Variants in HS3ST4 observed in about 807,000 individuals in gnomAD.
HS3ST4 encodes heparan sulfate glucosamine 3-O-sulfotransferase 4.
In HS3ST4, 17 loss-of-function variants were observed where a neutral mutation model predicts 29.2. That is an observed-to-expected ratio of 0.58 (90% CI 0.40 to 0.87). The LOEUF is 0.87. Ranked by LOEUF, HS3ST4 falls within the 40% of genes least tolerant of loss-of-function variation. The pLI is 0.00. For missense variants in HS3ST4, 627 were observed against 634.5 expected (o/e 0.99, Z 0.13); for synonymous variants, 314 against 285.7 (o/e 1.10, Z -1.00).
intron 1 of HS3ST4, among the ~76,000 whole-genome samples, chr16:25,724,112 C>CAAAAAAAAA (rs56115380): frequency 1.3e-5 from 1 of 77,244 alleles, no homozygotes; most frequent in African/African-American, 4.9e-5. Context: ...GACTCCATCT[C>CAAAAAAAAA]AAAAAAAAAA....
At position 25,850,117 on chromosome 16, in the gene HS3ST4, A is replaced by G. The variant is rs561923895; in HGVS notation, c.734+156966A>G. ...CTGGTTCAGGCAATTCTCCTGCCTCAGTCTCTCGAGTAGCTGGGATTACAG... is the reference window on the plus strand; with the variant it reads ...CTGGTTCAGGCAATTCTCCTGCCTCGGTCTCTCGAGTAGCTGGGATTACAG... On this transcript the variant is annotated intron_variant, in intron 1 of 1. Transcript: ENST00000331351. 4.0e-5 allele frequency among the ~76,000 whole-genome samples: 6 copies of G among 150,910 alleles called. No homozygotes were observed. In the East Asian group the frequency reaches 9.8e-4, roughly 25 times the overall value.
At chr16:25,779,919 C>T (rs1192262143) in intron 1 of HS3ST4, among the ~76,000 whole-genome samples, 1 of 152,224 alleles carries the variant, frequency 6.6e-6, no homozygotes, top group Non-Finnish European at 1.5e-5. Context: ...GGATTTATGG[C>T]ACTGGCATTG....
chr16:25,777,197 G>A (rs969805656), intron 1 of HS3ST4, among the ~76,000 whole-genome samples: 5 of 152,148 alleles, frequency 3.3e-5, no homozygotes, highest in Middle Eastern at 3.2e-3. Flanking sequence ...TGTTGGAATC[G>A]ATACCACCTT....
intron 1 of HS3ST4, among the ~76,000 whole-genome samples, chr16:25,837,472 G>A (rs1054703863): frequency 3.3e-5 from 5 of 152,178 alleles, no homozygotes; most frequent in African/African-American, 4.8e-5. Flanking sequence ...TAGGGCATGG[G>A]GAGAGAGCAG....
At chr16:25,980,445 C>T (rs1184652142) in intron 1 of HS3ST4, among the ~76,000 whole-genome samples, 2 of 152,152 alleles carry the variant, frequency 1.3e-5, no homozygotes, top group Non-Finnish European at 2.9e-5. Context: ...GATCTCTTGA[C>T]ACCCTGTACT....
Position 26,114,965 on chromosome 16 carries a change from A to C in HS3ST4, c.735-20647A>C, listed in dbSNP as rs1480150692. ...CTTATTTGTCATAATGGAAAATCGG[A>C]AACTAAAGGACTCTCTCTAGGAGAA... On this transcript the variant is annotated intron_variant, in intron 1 of 1. Coordinates refer to ENST00000331351, the MANE Select transcript of HS3ST4 (RefSeq NM_006040.3). 1.8e-4 allele frequency among the ~76,000 whole-genome samples: 27 copies of C among 152,170 alleles called. 1 individual carries two copies. The highest frequency in any genetic ancestry group is 1.8e-3 in the Admixed American group (27 of 15,284).
intron 1 of HS3ST4, among the ~76,000 whole-genome samples, chr16:25,971,970 C>A (rs2141706899): frequency 6.6e-6 from 1 of 152,162 alleles, no homozygotes; most frequent in South Asian, 2.1e-4. Context: ...AGATTCTGGA[C>A]CTGGACTGCT....
chr16:26,007,889 C>G (rs1469294280), intron 1 of HS3ST4, among the ~76,000 whole-genome samples: 2 of 151,900 alleles, frequency 1.3e-5, no homozygotes, highest in Non-Finnish European at 2.9e-5. Flanking sequence ...ACTTCTGGGG[C>G]CCAAGGCAGT....
intron 1 of HS3ST4, among the ~76,000 whole-genome samples, chr16:25,751,024 G>A (rs898293314): frequency 2.0e-5 from 3 of 152,182 alleles, no homozygotes; most frequent in African/African-American, 7.2e-5. Context: ...TGGTGGAAGT[G>A]CTGTGGAACA....
chr16:26,086,518 T>G (rs1360065051), intron 1 of HS3ST4, among the ~76,000 whole-genome samples: 3 of 151,708 alleles, frequency 2.0e-5, no homozygotes, highest in African/African-American at 7.3e-5. Flanking sequence ...CCCAGCTAAT[T>G]TTTTGTATTT....
intron 1 of HS3ST4, among the ~76,000 whole-genome samples, chr16:26,129,663 C>G (rs55732656): frequency 0.021 from 3,231 of 152,164 alleles, 115 homozygotes; most frequent in African/African-American, 0.073. Context: ...TGAAATAGAC[C>G]CATATTACTT....
chr16:25,769,049 CTG>C (rs923073419), intron 1 of HS3ST4, among the ~76,000 whole-genome samples: 8 of 152,168 alleles, frequency 5.3e-5, no homozygotes, highest in African/African-American at 1.9e-4. Flanking sequence ...GGGTTCAAAA[CTG>C]TGTTGGGTCA....
chr16:26,119,946 C>T (rs527992455), intron 1 of HS3ST4, among the ~76,000 whole-genome samples: 1 of 152,024 alleles, frequency 6.6e-6, no homozygotes, highest in Admixed American at 6.5e-5. Flanking sequence ...TGAAAGAGAA[C>T]GTTTTTAGGT....
chr16:25,911,419 G>A (rs948180253), intron 1 of HS3ST4, among the ~76,000 whole-genome samples: 3 of 151,106 alleles, frequency 2.0e-5, no homozygotes, highest in Admixed American at 6.6e-5. Context: ...AACCCTGGGC[G>A]TTCTCTCCTC....
intron 1 of HS3ST4, among the ~76,000 whole-genome samples, chr16:25,948,258 T>G (rs1348666495): frequency 6.6e-6 from 1 of 152,106 alleles, no homozygotes; most frequent in Non-Finnish European, 1.5e-5. Flanking sequence ...CCATGAAACG[T>G]GATCATTCAA....
intron 1 of HS3ST4, among the ~76,000 whole-genome samples, chr16:25,860,595 A>G (rs1967626755): frequency 6.6e-6 from 1 of 152,150 alleles, no homozygotes; most frequent in African/African-American, 2.4e-5. Context: ...TTAAATGCAT[A>G]TTACTAAGTG....
chr16:25,808,154 T>A (rs1967006568), intron 1 of HS3ST4, among the ~76,000 whole-genome samples: 1 of 152,170 alleles, frequency 6.6e-6, no homozygotes, highest in African/African-American at 2.4e-5. Context: ...TTACCAAAAT[T>A]TTATTTTATG....
chr16:26,064,450 C>T lies in HS3ST4; in HGVS notation c.735-71162C>T, dbSNP rs148488760. On this transcript the variant is annotated intron_variant, in intron 1 of 1. Transcript: ENST00000331351. The stretch of plus-strand genomic sequence containing the variant: ...CGTGCAGAAGCCACAGTGAAGCACG[C>T]AGATGTCATGGAGGATTTAGGCACT... Among the ~76,000 whole-genome samples, 582 of 152,090 alleles carry T rather than the reference C, an allele frequency of 3.8e-3. 4 individuals are homozygous for T. Among genetic ancestry groups the T allele is most frequent in the African/African-American group, 0.013 (559 of 41,504 alleles).
chr16:26,095,420 C>G (rs964489846), intron 1 of HS3ST4, among the ~76,000 whole-genome samples: 5 of 152,220 alleles, frequency 3.3e-5, no homozygotes, highest in Admixed American at 1.3e-4. Context: ...AACTGTCTCT[C>G]AGACCACAGT....
Sources: allele counts gnomAD v4.1 joint callset (sites outside exome capture counted in the v4.1 genomes callset), GRCh38; gene constraint gnomAD v4.1.1; transcripts MANE v1.5; gene names NCBI Gene and HGNC (gene_info 2026-07-23, HGNC 2026-07-21).